Variants in IL1RAP observed in about 807,000 individuals in gnomAD.
The protein encoded by IL1RAP is interleukin-1 receptor accessory protein.
In IL1RAP, 35 loss-of-function variants were observed where a neutral mutation model predicts 60.7. The ratio of observed to expected loss-of-function variants is 0.58; its 90% CI spans 0.44 to 0.76. The LOEUF (loss-of-function observed/expected upper bound fraction) is 0.76. IL1RAP is among the 30% of genes least tolerant of loss of function. IL1RAP has a pLI of 0.00. For synonymous variants in IL1RAP, 268 were observed against 250.9 expected (o/e 1.07, Z -0.64); for missense variants, 572 against 693.9 (o/e 0.82, Z 1.97).
chr3:190,554,060 CAAAAAAAAAAAAAAAAA>C (rs1166716731), intron 1 of IL1RAP, among the ~76,000 whole-genome samples: 1 of 87,910 alleles, frequency 1.1e-5, no homozygotes, highest in African/African-American at 5.1e-5. Context: ...GACTCCGTCT[CAAAAAAAAAAAAAAAAA>C]AAAAAAAAAA....
At chr3:190,606,182 G>T (rs1404115347) in intron 4 of IL1RAP, among the ~76,000 whole-genome samples, 2 of 151,970 alleles carry the variant, frequency 1.3e-5, no homozygotes, top group African/African-American at 4.8e-5. Flanking sequence ...TGGTATATGG[G>T]TTTCTGAGGA....
At chr3:190,534,886 G>A (rs138058547) in intron 1 of IL1RAP, among the ~76,000 whole-genome samples, 27 of 144,836 alleles carry the variant, frequency 1.9e-4, no homozygotes, top group Non-Finnish European at 3.9e-4. Context: ...GATGTCATCC[G>A]GATAAGAAGA....
intron 1 of IL1RAP, among the ~76,000 whole-genome samples, chr3:190,529,513 C>A (rs1015500823): frequency 6.6e-6 from 1 of 151,878 alleles, no homozygotes; most frequent in African/African-American, 2.4e-5. Flanking sequence ...GGTGAAACCC[C>A]ATCTCTACTA....
At chr3:190,520,276 T>G (rs1169001101) in intron 1 of IL1RAP, among the ~76,000 whole-genome samples, 1 of 152,200 alleles carries the variant, frequency 6.6e-6, no homozygotes, top group Non-Finnish European at 1.5e-5. Context: ...TCATATTATG[T>G]CAGTGGGCCC....
At chr3:190,625,750 A>T (rs553549255) in intron 7 of IL1RAP, among the ~76,000 whole-genome samples, 1 of 152,232 alleles carries the variant, frequency 6.6e-6, no homozygotes, top group Admixed American at 6.5e-5. Flanking sequence ...CACAGAGAAC[A>T]TGGTAAGAGG....
At chr3:190,560,384 G>T (rs756304716) in intron 2 of IL1RAP, among the ~76,000 whole-genome samples, 1 of 152,180 alleles carries the variant, frequency 6.6e-6, no homozygotes, top group Non-Finnish European at 1.5e-5. Context: ...TCATAGAAAA[G>T]GGTGTCAGTC....
At chr3:190,521,096 AT>A (rs1721979797) in intron 1 of IL1RAP, among the ~76,000 whole-genome samples, 1 of 152,176 alleles carries the variant, frequency 6.6e-6, no homozygotes, top group Non-Finnish European at 1.5e-5. Context: ...ATGCCATGAC[AT>A]TTGTCAAGAG....
At chr3:190,570,628 C>T (rs1173052149) in intron 3 of IL1RAP, among the ~76,000 whole-genome samples, 2 of 152,064 alleles carry the variant, frequency 1.3e-5, no homozygotes, top group Non-Finnish European at 2.9e-5. Flanking sequence ...TGCAATGGTG[C>T]GATCTCAGCT....
intron 3 of IL1RAP, among the ~76,000 whole-genome samples, chr3:190,574,598 C>T (rs1727279509): frequency 6.6e-6 from 1 of 152,188 alleles, no homozygotes; most frequent in Admixed American, 6.5e-5. Context: ...AGGATGTTTA[C>T]ATGTGCCTCA....
intron 9 of IL1RAP, among the ~76,000 whole-genome samples, chr3:190,639,716 G>A (rs188318227): frequency 1.3e-3 from 202 of 152,112 alleles, no homozygotes; most frequent in African/African-American, 4.5e-3. Context: ...TCTGAATTTC[G>A]TAAGACAGTG....
chr3:190,642,920 T>G (rs940945302), intron 9 of IL1RAP, among the ~76,000 whole-genome samples: 8 of 152,182 alleles, frequency 5.3e-5, no homozygotes, highest in African/African-American at 1.9e-4. Flanking sequence ...TTCAAACACT[T>G]AAACTTCATT....
chr3:190,629,379 C>T lies in IL1RAP; in HGVS notation c.932C>T (p.Thr311Ile). 1.9e-6 allele frequency: 3 copies of T among 1,612,198 alleles called. No individual in the cohort carries two copies. Among genetic ancestry groups the T allele is most frequent in the Non-Finnish European group, 2.5e-6 (3 of 1,179,060 alleles). The change falls in exon 9 of 12, where the codon ACA (threonine) becomes ATA (isoleucine). Residue 311 changes from threonine to isoleucine, a missense_variant. Thr to Ile is a moderately conservative substitution (Grantham distance 89). Coordinates refer to ENST00000447382, the MANE Select transcript of IL1RAP (RefSeq NM_002182.4). ...SISHSRTEDE[T>I]RTQILSIKKV... ...AGTCATAGTAGAACAGAAGATGAAA[C>T]AAGAACTCAGATTTTGAGCATCAAG...
At chr3:190,630,208 T>C (rs1297052905) in intron 9 of IL1RAP, 2 of 769,798 alleles carry the variant, frequency 2.6e-6, no homozygotes, top group African/African-American at 3.8e-5. Context: ...TAAACATGAT[T>C]TCTATGTTGA....
chr3:190,649,709 CCTTG>C lies in IL1RAP; in HGVS notation c.*1005_*1008del. ...AAAGGGCGGAGGTCAGTCTTAGTGGCCTTGAGAGTTGCTTTTGGCATTAATATTC... is the reference window on the plus strand; with the variant it reads ...AAAGGGCGGAGGTCAGTCTTAGTGGCAGAGTTGCTTTTGGCATTAATATTC... On this transcript the variant is annotated 3_prime_UTR_variant, in exon 12 of 12. Coordinates refer to ENST00000447382, the MANE Select transcript of IL1RAP (RefSeq NM_002182.4). 1 of 985,780 alleles carries C rather than the reference CCTTG, an allele frequency of 1.0e-6. No individual in the cohort carries two copies. The highest frequency in any genetic ancestry group is 1.2e-6 in the Non-Finnish European group (1 of 829,904). The allele number at this position is 985,780 out of a possible 1,614,324, so 61.1% of individuals were successfully genotyped here.
chr3:190,655,844 G>A (rs1734601340), downstream of IL1RAP: 4 of 1,390,924 alleles, frequency 2.9e-6, no homozygotes, highest in South Asian at 5.1e-5. Flanking sequence ...TGGAATATAT[G>A]TAAGTTTTCA....
At chr3:190,538,212 A>G (rs533846704) in intron 1 of IL1RAP, among the ~76,000 whole-genome samples, 6 of 152,246 alleles carry the variant, frequency 3.9e-5, no homozygotes, top group Admixed American at 2.6e-4. Context: ...TTGCTTCTCA[A>G]TGTATGGTCT....
chr3:190,580,722 C>T (rs1382882682), intron 3 of IL1RAP, among the ~76,000 whole-genome samples: 2 of 152,144 alleles, frequency 1.3e-5, no homozygotes, highest in Non-Finnish European at 2.9e-5. Context: ...ATCTACTCTA[C>T]AGCTTAGTGC....
intron 6 of IL1RAP, among the ~76,000 whole-genome samples, chr3:190,622,690 A>G (rs1428480081): frequency 6.6e-6 from 1 of 152,208 alleles, no homozygotes; most frequent in Non-Finnish European, 1.5e-5. Flanking sequence ...GAAGAGATAC[A>G]TAGGGGGAGT....
At chr3:190,534,599 G>A (rs1451626776) in intron 1 of IL1RAP, among the ~76,000 whole-genome samples, 1 of 152,152 alleles carries the variant, frequency 6.6e-6, no homozygotes, top group Non-Finnish European at 1.5e-5. Context: ...TTCTGGGCCC[G>A]AGTAGCTGTC....
Sources: allele counts gnomAD v4.1 joint callset (sites outside exome capture counted in the v4.1 genomes callset), GRCh38; gene constraint gnomAD v4.1.1; transcripts MANE v1.5; gene names NCBI Gene and HGNC (gene_info 2026-07-23, HGNC 2026-07-21).